The following COL11A1 variants were observed in gnomAD, a reference collection of about 807,000 sequenced individuals.
The protein encoded by COL11A1 is collagen type XI alpha 1 chain, also known as collagen alpha-1(XI) chain.
In COL11A1, 74 loss-of-function variants were observed where a neutral mutation model predicts 265.2. That is an observed-to-expected ratio of 0.28 (90% confidence interval 0.23 to 0.34). The LOEUF is 0.34. Among genes scored for constraint, COL11A1 ranks in the 10% least tolerant of loss-of-function variants. The pLI is 1.00. For missense variants in COL11A1, 2,165 were observed against 2,263.6 expected (o/e 0.96, Z 0.88); for synonymous variants, 816 against 727.6 (o/e 1.12, Z -1.96).
chr1:103,084,907 CTAAA>C (rs1238626860), intron 1 of COL11A1, among the ~76,000 whole-genome samples: 1 of 152,154 alleles, frequency 6.6e-6, no homozygotes, highest in Non-Finnish European at 1.5e-5. Context: ...CACCAAACTT[CTAAA>C]TAAAGACTGA....
intron 44 of COL11A1, among the ~76,000 whole-genome samples, chr1:102,937,557 G>T (rs1199831334): frequency 6.6e-6 from 1 of 152,176 alleles, no homozygotes; most frequent in Non-Finnish European, 1.5e-5. Flanking sequence ...CATAGCGATT[G>T]AGTTCTTGCT....
intron 4 of COL11A1, among the ~76,000 whole-genome samples, chr1:103,048,656 G>C (rs1021296522): frequency 1.3e-5 from 2 of 152,026 alleles, no homozygotes; most frequent in African/African-American, 4.8e-5. Flanking sequence ...GAATGTGTTT[G>C]CTCTTGCTTC....
rs188077232 is a variant in COL11A1 at position 102,950,763 on chromosome 1, G to A, written c.3169-3807C>T. 3.4e-3 allele frequency among the ~76,000 whole-genome samples: 511 copies of A among 152,020 alleles called. 3 individuals are homozygous for A. The highest frequency in any genetic ancestry group is 0.01 in the Middle Eastern group (3 of 294). On this transcript the variant is annotated intron_variant, in intron 41 of 66. Transcript: ENST00000370096. ...GTCAATAACCATCTGATATGCTTAG[G>A]CTTTGTGTCCCCACCCAAATCTCAT...
intron 1 of COL11A1, among the ~76,000 whole-genome samples, chr1:103,086,932 CTGT>C (rs1318416109): frequency 3.0e-4 from 46 of 151,960 alleles, no homozygotes; most frequent in Admixed American, 3.0e-3. Context: ...GAAATTCTGC[CTGT>C]TATTTGATCT....
At chr1:103,054,207 T>C (rs1670046970) in intron 4 of COL11A1, among the ~76,000 whole-genome samples, 1 of 152,216 alleles carries the variant, frequency 6.6e-6, no homozygotes, top group Non-Finnish European at 1.5e-5. Flanking sequence ...TTTTAATACA[T>C]TATACAAAAA....
intron 5 of COL11A1, among the ~76,000 whole-genome samples, chr1:103,026,912 A>G (rs1347412441): frequency 6.6e-6 from 1 of 152,062 alleles, no homozygotes; most frequent in East Asian, 1.9e-4. Flanking sequence ...AATAAAATCT[A>G]AAATGTATTA....
intron 41 of COL11A1, among the ~76,000 whole-genome samples, chr1:102,953,289 G>C (rs1203318352): frequency 6.6e-6 from 1 of 151,850 alleles, no homozygotes; most frequent in Non-Finnish European, 1.5e-5. Context: ...CCAGCAGTTT[G>C]AGTAGTTACT....
chr1:102,923,631 A>C (rs970344554), intron 46 of COL11A1, among the ~76,000 whole-genome samples: 1 of 152,138 alleles, frequency 6.6e-6, no homozygotes, highest in Admixed American at 6.5e-5. Context: ...ATTTTTAGTT[A>C]TAATAACTAA....
chr1:103,069,133 A>G (rs755905172), intron 4 of COL11A1, among the ~76,000 whole-genome samples: 5 of 151,838 alleles, frequency 3.3e-5, no homozygotes, highest in Non-Finnish European at 7.4e-5. Context: ...AAGAATAAAA[A>G]GTAGGAGTAT....
chr1:103,018,596 A>C (rs1666748665), intron 10 of COL11A1, among the ~76,000 whole-genome samples: 1 of 152,192 alleles, frequency 6.6e-6, no homozygotes, highest in South Asian at 2.1e-4. Flanking sequence ...TAGAAGATGC[A>C]GAGGTATCTA....
In COL11A1 at chr1:102,998,127, C is replaced by T. The variant is rs35150936; in HGVS notation, c.2196+183G>A. ...GAGTTTCCACAAAAGCCACCGTGAGCTCATTAAAGATTTTGCAATATGGAA... is the reference window on the plus strand; with the variant it reads ...GAGTTTCCACAAAAGCCACCGTGAGTTCATTAAAGATTTTGCAATATGGAA... On this transcript the variant is annotated intron_variant, in intron 25 of 66. Coordinates refer to ENST00000370096, the MANE Select transcript of COL11A1 (RefSeq NM_001854.4). Among the ~76,000 whole-genome samples, 5,504 of 151,762 alleles carry T rather than the reference C, an allele frequency of 0.036. 134 individuals carry two copies. The highest frequency in any genetic ancestry group is 0.092 in the Middle Eastern group (27 of 292).
Position 102,914,341 on chromosome 1 carries a change from C to T in COL11A1, c.3978+11G>A, listed in dbSNP as rs1655050692. 2.5e-6 allele frequency: 4 copies of T among 1,596,974 alleles called. No homozygotes were observed. The highest frequency in any genetic ancestry group is 1.3e-5 in the African/African-American group (1 of 74,824). ...TCCAAAATAATTTCTTGATTTTTCC[C>T]TGATACTTACTGCAGGGCCAGGTTC... On this transcript the variant is annotated intron_variant, in intron 52 of 66. Transcript: ENST00000370096.
intron 1 of COL11A1, among the ~76,000 whole-genome samples, chr1:103,099,960 T>G (rs955778270): frequency 1.3e-5 from 2 of 151,882 alleles, no homozygotes; most frequent in Admixed American, 6.6e-5. Flanking sequence ...ATTTTAATCT[T>G]GTTCCAGTCT....
In COL11A1 at chr1:103,059,552, G is replaced by GA. The variant is rs149695656; in HGVS notation, c.651+15065dup. 9.0e-3 allele frequency among the ~76,000 whole-genome samples: 1,371 copies of GA among 152,258 alleles called. 10 individuals are homozygous for GA. Among genetic ancestry groups the GA allele is most frequent in the Middle Eastern group, 0.017 (5 of 294 alleles). On this transcript the variant is annotated intron_variant, in intron 4 of 66. Coordinates refer to ENST00000370096, the MANE Select transcript of COL11A1 (RefSeq NM_001854.4). ...CATCAAACCAGAGTCAGATATGGCA[G>GA]AAAGGTTGGAATTATCATTCTAGGA...
intron 41 of COL11A1, among the ~76,000 whole-genome samples, chr1:102,952,150 G>A (rs1659951399): frequency 6.6e-6 from 1 of 152,094 alleles, no homozygotes; most frequent in South Asian, 2.1e-4. Flanking sequence ...CCAGGCTGAA[G>A]TGCAGTGGTG....
intron 48 of COL11A1, among the ~76,000 whole-genome samples, chr1:102,920,887 C>G (rs1655914681): frequency 6.6e-6 from 1 of 152,004 alleles, no homozygotes; most frequent in Admixed American, 6.6e-5. Flanking sequence ...AAAATGAAGA[C>G]CAGAGACATG....
At chr1:103,106,639 T>C (rs181027562) in intron 1 of COL11A1, among the ~76,000 whole-genome samples, 9 of 152,324 alleles carry the variant, frequency 5.9e-5, no homozygotes, top group African/African-American at 1.9e-4. Flanking sequence ...TGGAAATGAA[T>C]GAATCAACAT....
At chr1:102,936,435 A>T (rs1049000981) in intron 44 of COL11A1, among the ~76,000 whole-genome samples, 1 of 152,258 alleles carries the variant, frequency 6.6e-6, no homozygotes, top group African/African-American at 2.4e-5. Context: ...GTGATTATAA[A>T]TAGTAAGTAT....
intron 4 of COL11A1, among the ~76,000 whole-genome samples, chr1:103,042,633 T>C (rs1413782651): frequency 6.6e-6 from 1 of 152,124 alleles, no homozygotes; most frequent in Non-Finnish European, 1.5e-5. Flanking sequence ...CTTTCCTAGC[T>C]TGTCACAGTA....
Sources: allele counts gnomAD v4.1 joint callset (sites outside exome capture counted in the v4.1 genomes callset), GRCh38; gene constraint gnomAD v4.1.1; transcripts MANE v1.5; gene names NCBI Gene and HGNC (gene_info 2026-07-23, HGNC 2026-07-21).